Variants in SSX2IP observed in about 807,000 individuals in gnomAD.
The protein encoded by SSX2IP is afadin- and alpha-actinin-binding protein.
SSX2IP carries 55 observed loss-of-function variants against 84.9 expected under a neutral mutation model. The observed-to-expected ratio is 0.65, with a 90% CI of 0.52 to 0.81. SSX2IP has a LOEUF of 0.81. SSX2IP is among the 30% of genes least tolerant of loss of function. The probability of loss-of-function intolerance (pLI) is 0.00; values close to 1 mark genes in which losing one functional copy is unlikely to be tolerated. For missense variants in SSX2IP, 664 were observed against 705.2 expected (o/e 0.94, Z 0.66); for synonymous variants, 239 against 234.7 (o/e 1.02, Z -0.17).
intron 1 of SSX2IP, among the ~76,000 whole-genome samples, chr1:84,676,038 C>T (rs1376978618): frequency 1.3e-5 from 2 of 152,212 alleles, no homozygotes; most frequent in East Asian, 3.9e-4. Flanking sequence ...GAGGCTGTGT[C>T]ACAGATGTGT....
At chr1:84,677,537 T>C (rs1368062852) in intron 1 of SSX2IP, among the ~76,000 whole-genome samples, 1 of 152,186 alleles carries the variant, frequency 6.6e-6, no homozygotes, top group African/African-American at 2.4e-5. Flanking sequence ...TCTTGGGTTA[T>C]TCTGTTCCTT....
At chr1:84,663,040 G>A (rs1391629551) in intron 6 of SSX2IP, among the ~76,000 whole-genome samples, 1 of 152,022 alleles carries the variant, frequency 6.6e-6, no homozygotes, top group Admixed American at 6.6e-5. Context: ...CAACAAATAA[G>A]TTGTAGATCC....
chr1:84,687,708 GA>G (rs1167999110), intron 1 of SSX2IP, among the ~76,000 whole-genome samples: 2 of 152,110 alleles, frequency 1.3e-5, no homozygotes, highest in African/African-American at 4.8e-5. Context: ...GATTTTGGTG[GA>G]AATATCCTTC....
chr1:84,651,980 T>G lies in SSX2IP; in HGVS notation c.1407A>C (p.Glu469Asp), dbSNP rs551658314. 4 of 1,613,550 alleles carry G rather than the reference T, an allele frequency of 2.5e-6. No homozygotes were observed. The African/African-American group carries it at 5.3e-5, about 22-fold the overall frequency. The change falls in exon 12 of 14, where the codon GAA (glutamate) becomes GAC (aspartate). Residue 469 changes from glutamate (E) to aspartate (D), a missense_variant. By Grantham distance (45) the Glu-to-Asp change is conservative. Transcript: ENST00000342203. ...RLGLERKAFE[E>D]ERASWLKQQF... ...GCTGCTTTAACCAACTGGCTCTTTCTTCTTCAAATGCCTTTCTCTACCATA... is the reference window on the plus strand; with the variant it reads ...GCTGCTTTAACCAACTGGCTCTTTCGTCTTCAAATGCCTTTCTCTACCATA...
chr1:84,650,103 G>A (rs1257650479), intron 13 of SSX2IP: 1 of 618,324 alleles, frequency 1.6e-6, no homozygotes, highest in African/African-American at 1.8e-5. Context: ...TATCTTAAAT[G>A]TGAAATAAAA....
chr1:84,657,136 T>C (rs1458829250), intron 9 of SSX2IP, among the ~76,000 whole-genome samples: 1 of 152,180 alleles, frequency 6.6e-6, no homozygotes, highest in African/African-American at 2.4e-5. Flanking sequence ...AGGCTTCATT[T>C]ACTGAGCAGA....
intron 13 of SSX2IP, among the ~76,000 whole-genome samples, chr1:84,649,304 T>TG (rs1190664745): frequency 6.6e-6 from 1 of 152,234 alleles, no homozygotes; most frequent in Non-Finnish European, 1.5e-5. Flanking sequence ...CTCTAGGTCT[T>TG]GGTCACCATT....
intron 1 of SSX2IP, among the ~76,000 whole-genome samples, chr1:84,672,769 A>T (rs920945316): frequency 1.3e-5 from 2 of 152,214 alleles, no homozygotes; most frequent in Non-Finnish European, 2.9e-5. Context: ...TCATGCCTGT[A>T]ATCACAGCAC....
At chr1:84,668,752 G>A (rs1045572569) in intron 4 of SSX2IP, among the ~76,000 whole-genome samples, 5 of 151,804 alleles carry the variant, frequency 3.3e-5, no homozygotes, top group African/African-American at 1.2e-4. Context: ...ATTCTGAGTG[G>A]GTTTTTTTTA....
rs758293187 is a variant in SSX2IP at position 84,670,732 on chromosome 1, T to C, written c.127A>G (p.Ile43Val). The C allele has an allele frequency of 5.6e-6, 9 of 1,613,144 alleles. No homozygotes were observed. The highest frequency in any genetic ancestry group is 1.3e-5 in the African/African-American group (1 of 74,912). The change falls in exon 3 of 14, where the codon ATA becomes GTA. Residue 43 changes from isoleucine to valine, a missense_variant. Coordinates refer to ENST00000342203, the MANE Select transcript of SSX2IP (RefSeq NM_001166293.2). Reference protein sequence around the residue: ...LYSQQVLCSSIPLSKNVHSFF... With the variant: ...LYSQQVLCSSVPLSKNVHSFF... ...CTGTGCACATTTTTCGATAAAGGTA[T>C]TGAAGAACATAGCACTTGCTGTGAG...
At chr1:84,670,151 G>C (rs943048045) in intron 3 of SSX2IP, 9 of 241,936 alleles carry the variant, frequency 3.7e-5, no homozygotes, top group Middle Eastern at 1.3e-3. Flanking sequence ...TGTTGAACAT[G>C]ACAAATATAT....
At chr1:84,652,299 T>TACAGTCTC (rs1167772405) in intron 11 of SSX2IP, 1 of 250,874 alleles carries the variant, frequency 4.0e-6, no homozygotes, top group African/African-American at 2.2e-5. Flanking sequence ...GGCACAGGAC[T>TACAGTCTC]ACAGTCTCAG....
intron 3 of SSX2IP, chr1:84,670,248 T>C (rs1208641309): frequency 1.1e-5 from 2 of 174,454 alleles, no homozygotes; most frequent in Non-Finnish European, 2.4e-5. Flanking sequence ...AATCAAAAGA[T>C]AGAAATCTTT....
chr1:84,652,279 T>G (rs1396873830), intron 11 of SSX2IP: 2 of 293,912 alleles, frequency 6.8e-6, no homozygotes, highest in Non-Finnish European at 1.3e-5. Flanking sequence ...AAACATCAGC[T>G]GGGCATGGTG....
Position 84,643,857 on chromosome 1 carries a change from G to A in SSX2IP, c.*3576C>T, listed in dbSNP as rs142934495. 8 of 152,166 alleles carry A rather than the reference G, an allele frequency of 5.3e-5. No individual in the cohort carries two copies. The highest frequency in any genetic ancestry group is 4.6e-4 in the Admixed American group (7 of 15,288). 9.4% of individuals were successfully genotyped at this position (152,166 alleles called of 1,614,324 possible). On this transcript the variant is annotated 3_prime_UTR_variant, in exon 14 of 14. Transcript: ENST00000342203. Reference sequence around the variant, plus strand: ...TCACTGACATTACAGTACTTCCTGAGCTCTCAGGAATCCATTATTTGTAAA... The same window carrying A: ...TCACTGACATTACAGTACTTCCTGAACTCTCAGGAATCCATTATTTGTAAA...
intron 1 of SSX2IP, among the ~76,000 whole-genome samples, chr1:84,672,883 G>A (rs1438572099): frequency 6.6e-6 from 1 of 151,988 alleles, no homozygotes; most frequent in Non-Finnish European, 1.5e-5. Context: ...AAACTTAGCC[G>A]GCGTGGTGGC....
intron 2 of SSX2IP, 90 bp from the exon 3 acceptor site, chr1:84,670,905 T>C: frequency 5.1e-6 from 5 of 973,966 alleles, no homozygotes; most frequent in Non-Finnish European, 6.0e-6. Context: ...TTGAATTACA[T>C]ATATACATAT....
Position 84,644,424 on chromosome 1 carries a change from C to T in SSX2IP, c.*3009G>A, listed in dbSNP as rs1045226489. 1 of 152,148 alleles carries T rather than the reference C, an allele frequency of 6.6e-6. No homozygotes were observed. The highest frequency in any genetic ancestry group is 6.5e-5 in the Admixed American group (1 of 15,276). 9.4% of individuals were successfully genotyped at this position (152,148 alleles called of 1,614,324 possible). On this transcript the variant is annotated 3_prime_UTR_variant, in exon 14 of 14. Coordinates refer to ENST00000342203, the MANE Select transcript of SSX2IP (RefSeq NM_001166293.2). ...ATTGGAAAGCAGTAGTAAGCCTTGA[C>T]ATACAGCAGGTACTTAATAAATGCT...
At position 84,669,707 on chromosome 1, in the gene SSX2IP, G is replaced by C; in HGVS notation, c.400C>G (p.Leu134Val). The change falls in exon 4 of 14, where the codon CTA becomes GTA. Residue 134 changes from leucine to valine, a missense_variant. Coordinates refer to ENST00000342203, the MANE Select transcript of SSX2IP (RefSeq NM_001166293.2). ...TTAAGTTTTGAGTAGCAGCTCTGTA[G>C]ATGGTCCATATCACTTCCCAGCTTC... ...NLKLGSDMDHLQSCYSKLKEQ... is the reference protein window; with the variant it reads ...NLKLGSDMDHVQSCYSKLKEQ... 1 of 1,613,714 alleles carries C rather than the reference G, an allele frequency of 6.2e-7. No homozygotes were observed. The highest frequency in any genetic ancestry group is 8.5e-7 in the Non-Finnish European group (1 of 1,179,714).
Sources: allele counts gnomAD v4.1 joint callset (sites outside exome capture counted in the v4.1 genomes callset), GRCh38; gene constraint gnomAD v4.1.1; transcripts MANE v1.5; gene names NCBI Gene and HGNC (gene_info 2026-07-23, HGNC 2026-07-21).